KCNH8: variants seen among roughly 807,000 people sequenced by gnomAD.
KCNH8 encodes the protein voltage-gated delayed rectifier potassium channel KCNH8.
Under a neutral mutation model 103.6 loss-of-function variants are expected in KCNH8, and 70 were observed. That is an observed-to-expected ratio of 0.68 (90% CI 0.56 to 0.82). The LOEUF is 0.82. Ranked by LOEUF, KCNH8 falls within the 40% of genes least tolerant of loss-of-function variation. KCNH8 has a pLI of 0.00. For missense variants in KCNH8, 1,217 were observed against 1,329.9 expected (o/e 0.92, Z 1.32); for synonymous variants, 498 against 489.4 (o/e 1.02, Z -0.23).
At chr3:19,419,366 AT>A (rs1418189979) in intron 7 of KCNH8, among the ~76,000 whole-genome samples, 4 of 150,702 alleles carry the variant, frequency 2.7e-5, no homozygotes, top group Non-Finnish European at 5.9e-5. Context: ...CGCCCGGCTA[AT>A]TTTTTTGTAT....
chr3:19,385,040 G>A (rs1359969005), intron 5 of KCNH8, among the ~76,000 whole-genome samples: 1 of 151,926 alleles, frequency 6.6e-6, no homozygotes, highest in East Asian at 1.9e-4. Context: ...GTAAGAGATG[G>A]TTGAAAGAAA....
intron 1 of KCNH8, among the ~76,000 whole-genome samples, chr3:19,150,543 C>T (rs1575396321): frequency 6.6e-6 from 1 of 152,126 alleles, no homozygotes; most frequent in African/African-American, 2.4e-5. Context: ...ATTCAGATAT[C>T]AATTGCTAAT....
At chr3:19,155,842 A>G (rs1390264755) in intron 1 of KCNH8, among the ~76,000 whole-genome samples, 1 of 152,150 alleles carries the variant, frequency 6.6e-6, no homozygotes, top group African/African-American at 2.4e-5. Flanking sequence ...ATGTGCTATA[A>G]TTATATGCTT....
chr3:19,484,656 G>A (rs1450332625), intron 11 of KCNH8, among the ~76,000 whole-genome samples: 2 of 152,030 alleles, frequency 1.3e-5, no homozygotes, highest in Non-Finnish European at 2.9e-5. Flanking sequence ...CGTGGGGGTG[G>A]TCAGGATGAT....
intron 3 of KCNH8, among the ~76,000 whole-genome samples, chr3:19,321,113 A>T (rs557801580): frequency 6.6e-6 from 1 of 151,094 alleles, no homozygotes; most frequent in Non-Finnish European, 1.5e-5. Flanking sequence ...TATGCGTTTT[A>T]TTTATCTTTT....
chr3:19,203,256 C>T (rs2063681730), intron 1 of KCNH8, among the ~76,000 whole-genome samples: 1 of 151,978 alleles, frequency 6.6e-6, no homozygotes, highest in Non-Finnish European at 1.5e-5. Flanking sequence ...GAGCTCCCAT[C>T]TTTGAGTTAC....
chr3:19,298,366 A>C (rs929108155), intron 3 of KCNH8, among the ~76,000 whole-genome samples: 1 of 152,198 alleles, frequency 6.6e-6, no homozygotes, highest in African/African-American at 2.4e-5. Context: ...TAACAAGTAG[A>C]ATGCTGGAGA....
chr3:19,496,379 G>C (rs1441120418), intron 11 of KCNH8, among the ~76,000 whole-genome samples: 3 of 152,108 alleles, frequency 2.0e-5, no homozygotes, highest in African/African-American at 7.2e-5. Flanking sequence ...TCAATGACTA[G>C]TTTATTGAAG....
At chr3:19,369,687 T>A (rs1362065017) in intron 5 of KCNH8, among the ~76,000 whole-genome samples, 1 of 151,952 alleles carries the variant, frequency 6.6e-6, no homozygotes, top group East Asian at 1.9e-4. Flanking sequence ...CCACAACCTG[T>A]TTCCTTCCTG....
intron 11 of KCNH8, among the ~76,000 whole-genome samples, chr3:19,483,609 G>A (rs2068136471): frequency 6.6e-6 from 1 of 152,102 alleles, no homozygotes; most frequent in Non-Finnish European, 1.5e-5. Context: ...TACATGCTCG[G>A]CTAATTGCAA....
At chr3:19,201,231 CAAAAAAAAAAAAAAAAA>C (rs1170312203) in intron 1 of KCNH8, among the ~76,000 whole-genome samples, 1 of 22,062 alleles carries the variant, frequency 4.5e-5, no homozygotes, top group Non-Finnish European at 7.5e-5. Context: ...GACTCTGCCT[CAAAAAAAAAAAAAAAAA>C]AAAAAAAAAA....
chr3:19,447,609 A>G (rs770621228), intron 8 of KCNH8, among the ~76,000 whole-genome samples: 2 of 152,068 alleles, frequency 1.3e-5, no homozygotes, highest in Non-Finnish European at 2.9e-5. Flanking sequence ...TAGGGCTTCC[A>G]AACACTTAGC....
intron 11 of KCNH8, among the ~76,000 whole-genome samples, chr3:19,474,323 G>A (rs968539518): frequency 4.6e-5 from 7 of 152,156 alleles, no homozygotes; most frequent in Non-Finnish European, 1.0e-4. Context: ...TGCTTACAGC[G>A]CAGCACAGAC....
At chr3:19,390,397 CTTCT>C in intron 5 of KCNH8, 80 bp from the exon 6 acceptor site, 2 of 1,031,678 alleles carry the variant, frequency 1.9e-6, no homozygotes, top group Non-Finnish European at 2.8e-6. Flanking sequence ...CCCTTCCTTT[CTTCT>C]TTCTTTCATT....
rs779830784 is a variant in KCNH8 at position 19,515,429 on chromosome 3, G to A, written c.2542+1G>A. Reference sequence around the variant, plus strand: ...CCCAGAATTTCTCCTCCTCTTGGAGGTAAGATCTATATTTAGTCTTCTCCT... The same window carrying A: ...CCCAGAATTTCTCCTCCTCTTGGAGATAAGATCTATATTTAGTCTTCTCCT... On this transcript the variant is annotated splice_donor_variant, in intron 14 of 15. Transcript: ENST00000328405. LOFTEE classifies it high-confidence loss of function. The A allele has an allele frequency of 1.4e-6, 2 of 1,472,654 alleles. No individual in the cohort carries two copies. The highest frequency in any genetic ancestry group is 1.8e-6 in the Non-Finnish European group (2 of 1,088,670). The allele number at this position is 1,472,654 out of a possible 1,614,324, so 91.2% of individuals were successfully genotyped here. A position where few individuals can be genotyped will look rare whatever the true frequency, so the allele number is the denominator to read the frequency against.
At chr3:19,352,595 G>A (rs1032966116) in intron 5 of KCNH8, among the ~76,000 whole-genome samples, 8 of 151,984 alleles carry the variant, frequency 5.3e-5, no homozygotes, top group South Asian at 4.1e-4. Context: ...AAAACCACTC[G>A]ACTACATGGA....
intron 2 of KCNH8, among the ~76,000 whole-genome samples, chr3:19,262,917 T>C (rs527801591): frequency 1.3e-5 from 2 of 152,150 alleles, no homozygotes; most frequent in East Asian, 3.9e-4. Context: ...CACCTAGCCC[T>C]CCCATTGATT....
intron 5 of KCNH8, among the ~76,000 whole-genome samples, chr3:19,373,592 T>C (rs1483775668): frequency 6.6e-6 from 1 of 152,178 alleles, no homozygotes; most frequent in Non-Finnish European, 1.5e-5. Context: ...GAAGGGTTTT[T>C]TGTGTCTCTA....
intron 5 of KCNH8, among the ~76,000 whole-genome samples, chr3:19,373,598 C>G (rs1458543366): frequency 1.3e-5 from 2 of 151,868 alleles, no homozygotes; most frequent in African/African-American, 4.8e-5. Flanking sequence ...TTTTTTGTGT[C>G]TCTATTTCCT....
Sources: allele counts gnomAD v4.1 joint callset (sites outside exome capture counted in the v4.1 genomes callset), GRCh38; gene constraint gnomAD v4.1.1; transcripts MANE v1.5; gene names NCBI Gene and HGNC (gene_info 2026-07-23, HGNC 2026-07-21).